The following PAM variants were observed in gnomAD, a reference collection of about 807,000 sequenced individuals.
PAM encodes peptidyl-glycine alpha-amidating monooxygenase.
PAM carries 72 observed loss-of-function variants against 122.1 expected under a neutral mutation model. The observed-to-expected ratio is 0.59, with a 90% confidence interval of 0.49 to 0.72. The LOEUF is 0.72. Among genes scored for constraint, PAM ranks in the 30% least tolerant of loss-of-function variants. PAM has a pLI of 0.00. For synonymous variants in PAM, 389 were observed against 404.4 expected (o/e 0.96, Z 0.46); for missense variants, 1,106 against 1,183.7 (o/e 0.93, Z 0.96).
intron 11 of PAM, 105 bp from the exon 12 acceptor site, chr5:102,950,612 C>A: frequency 1.5e-6 from 1 of 681,422 alleles, no homozygotes; most frequent in Non-Finnish European, 2.6e-6. Context: ...ATGATTAAAC[C>A]CTCAAAAAAG....
chr5:102,972,404 C>T (rs1766127962), intron 14 of PAM, among the ~76,000 whole-genome samples: 1 of 152,130 alleles, frequency 6.6e-6, no homozygotes, highest in Non-Finnish European at 1.5e-5. Context: ...ACTTTAGCCT[C>T]CCAAGTGGTG....
At position 102,867,189 on chromosome 5, in the gene PAM, C is replaced by A; in HGVS notation, c.90-84C>A. On this transcript the variant is annotated intron_variant, in intron 2 of 25. Transcript: ENST00000438793. ...GGTTTAAATCAATCATCTTTAAGGT[C>A]ATAGAATTCCTTTCTTTCCCCTTCT... 4 of 894,360 alleles carry A rather than the reference C, an allele frequency of 4.5e-6. No individual in the cohort carries two copies. The South Asian group carries it at 6.2e-5, about 14-fold the overall frequency. The allele number at this position is 894,360 out of a possible 1,614,324, so 55.4% of individuals were successfully genotyped here.
At chr5:102,842,467 C>G (rs1050366905) in intron 1 of PAM, among the ~76,000 whole-genome samples, 2 of 152,158 alleles carry the variant, frequency 1.3e-5, no homozygotes, top group African/African-American at 4.8e-5. Context: ...TTGCCTGTCA[C>G]CATCTATGTA....
intron 1 of PAM, among the ~76,000 whole-genome samples, chr5:102,781,652 T>C (rs538607940): frequency 1.1e-4 from 17 of 152,326 alleles, no homozygotes; most frequent in South Asian, 2.1e-4. Flanking sequence ...TAAGTCTTGA[T>C]AGGAAATAAA....
chr5:102,946,976 TA>T, intron 8 of PAM, 91 bp downstream of exon 8: 1 of 834,612 alleles, frequency 1.2e-6, no homozygotes. Flanking sequence ...TATCTGTGGG[TA>T]AAAATTAACC....
intron 1 of PAM, among the ~76,000 whole-genome samples, chr5:102,852,998 C>A (rs982307152): frequency 6.6e-6 from 1 of 152,176 alleles, no homozygotes; most frequent in Non-Finnish European, 1.5e-5. Flanking sequence ...TAGTTAAGCA[C>A]ACCATTTTAT....
chr5:102,793,595 G>A (rs1219161262), intron 1 of PAM, among the ~76,000 whole-genome samples: 2 of 152,114 alleles, frequency 1.3e-5, no homozygotes, highest in Non-Finnish European at 2.9e-5. Flanking sequence ...CTATTAGAAT[G>A]TATTTAACTA....
chr5:102,769,915 T>C lies in PAM; in HGVS notation c.-374+14567T>C, dbSNP rs568261641. ...ATTTCACTGGTATTTTGATAGGGAT[T>C]GCATTGAATCTGTAGATTGCTTTGG... On this transcript the variant is annotated intron_variant, in intron 1 of 25. Transcript: ENST00000438793. Among the ~76,000 whole-genome samples the C allele has an allele frequency of 3.9e-5, 6 of 152,246 alleles. No homozygotes were observed. The South Asian group carries it at 1.2e-3, about 32-fold the overall frequency.
At chr5:102,863,544 A>T (rs1784711442) in intron 1 of PAM, among the ~76,000 whole-genome samples, 1 of 151,802 alleles carries the variant, frequency 6.6e-6, no homozygotes. Flanking sequence ...CATCTCCCTT[A>T]ATAGACTATA....
chr5:102,979,888 G>A (rs1369642197), intron 15 of PAM, among the ~76,000 whole-genome samples: 2 of 151,926 alleles, frequency 1.3e-5, no homozygotes, highest in African/African-American at 2.4e-5. Context: ...ATGTAAGGAC[G>A]TAAGGATTCT....
chr5:102,834,625 G>A (rs1400386605), intron 1 of PAM, among the ~76,000 whole-genome samples: 1 of 152,106 alleles, frequency 6.6e-6, no homozygotes, highest in Non-Finnish European at 1.5e-5. Context: ...GATCTGAAGG[G>A]CAGTGAGAGA....
chr5:102,837,026 TC>T (rs1777288148), intron 1 of PAM, among the ~76,000 whole-genome samples: 1 of 152,100 alleles, frequency 6.6e-6, no homozygotes, highest in Non-Finnish European at 1.5e-5. Context: ...GCCCACAGAT[TC>T]CTAGTAGCTT....
At chr5:102,785,061 C>A (rs997318807) in intron 1 of PAM, among the ~76,000 whole-genome samples, 3 of 152,152 alleles carry the variant, frequency 2.0e-5, no homozygotes, top group Non-Finnish European at 2.9e-5. Context: ...TGTTGTTGTT[C>A]TTTGTTTTTT....
At chr5:102,877,119 A>G (rs997134060) in intron 3 of PAM, among the ~76,000 whole-genome samples, 10 of 152,236 alleles carry the variant, frequency 6.6e-5, no homozygotes, top group African/African-American at 2.4e-4. Context: ...AGATACTTAA[A>G]CTATAACTTT....
At chr5:102,983,446 C>A (rs1226114450) in intron 15 of PAM, among the ~76,000 whole-genome samples, 6 of 103,566 alleles carry the variant, frequency 5.8e-5, no homozygotes, top group Admixed American at 9.2e-5. Context: ...TGAGACTGTC[C>A]AAAAAAAAAA....
chr5:102,989,648 AAG>A (rs1261279263), intron 15 of PAM: 1 of 152,186 alleles, frequency 6.6e-6, no homozygotes, highest in Admixed American at 6.6e-5. Context: ...TGAACAGTGA[AAG>A]AGAGAGTCCT....
intron 3 of PAM, among the ~76,000 whole-genome samples, chr5:102,876,436 C>T (rs1479169417): frequency 6.6e-6 from 1 of 152,186 alleles, no homozygotes; most frequent in Non-Finnish European, 1.5e-5. Flanking sequence ...GTTTCCTGCA[C>T]CACTCACATT....
At chr5:103,023,574 T>C (rs560428338) in intron 23 of PAM, among the ~76,000 whole-genome samples, 20 of 151,678 alleles carry the variant, frequency 1.3e-4, no homozygotes, top group African/African-American at 3.9e-4. Context: ...CCTCAGAAAC[T>C]AGACATAGAA....
At chr5:102,914,183 C>T (rs144515301) in intron 5 of PAM, among the ~76,000 whole-genome samples, 162 bp downstream of exon 5, 1 of 152,100 alleles carries the variant, frequency 6.6e-6, no homozygotes, top group Non-Finnish European at 1.5e-5. Flanking sequence ...TGGTTTATCA[C>T]AGTTATTTAG....
Sources: gnomAD v4.1 joint callset for allele counts (sites outside exome capture counted in the v4.1 genomes callset) on GRCh38, gnomAD v4.1.1 for gene constraint, MANE v1.5 for transcripts, NCBI Gene and HGNC (gene_info 2026-07-23, HGNC 2026-07-21) for gene names.